MLIP: variants seen among roughly 807,000 people sequenced by gnomAD.
MLIP encodes muscular LMNA interacting protein.
A neutral mutation model predicts 84.8 loss-of-function variants in MLIP; 79 were observed. That is an observed-to-expected ratio of 0.93 (90% CI 0.78 to 1.12). MLIP has a LOEUF of 1.12. Ranked by LOEUF, MLIP falls within the 50% of genes most tolerant of loss-of-function variation. MLIP has a pLI of 0.00. For synonymous variants in MLIP, 504 were observed against 463.0 expected, an observed-to-expected ratio of 1.09 and a Z score of -1.14; for missense variants, 1,257 against 1,160.6, an observed-to-expected ratio of 1.08 and a Z score of -1.21.
chr6:54,224,413 AGAAAAACT>A (rs1406655104), intron 11 of MLIP, among the ~76,000 whole-genome samples: 1 of 151,386 alleles, frequency 6.6e-6, no homozygotes, highest in African/African-American at 2.4e-5. Flanking sequence ...AATTACCAAA[AGAAAAACT>A]GAAAAAAAAA....
chr6:54,231,116 A>C (rs1256014496), intron 12 of MLIP, among the ~76,000 whole-genome samples, 199 bp downstream of exon 12: 1 of 148,592 alleles, frequency 6.7e-6, no homozygotes, highest in Non-Finnish European at 1.5e-5. Context: ...GGAAATAATA[A>C]ACATTTATAT....
chr6:54,257,619 C>T (rs998149748), intron 13 of MLIP, among the ~76,000 whole-genome samples: 2 of 152,024 alleles, frequency 1.3e-5, no homozygotes, highest in African/African-American at 4.8e-5. Context: ...ACCCCAAGTG[C>T]CTGTCTTTGT....
intron 8 of MLIP, among the ~76,000 whole-genome samples, chr6:54,164,114 G>A (rs915819720): frequency 6.6e-6 from 1 of 151,762 alleles, no homozygotes; most frequent in Non-Finnish European, 1.5e-5. Context: ...ATTTTTTATG[G>A]TGTATTTAGG....
chr6:54,186,626 C>T (rs994141715), intron 9 of MLIP, among the ~76,000 whole-genome samples: 4 of 152,052 alleles, frequency 2.6e-5, no homozygotes, highest in East Asian at 3.9e-4. Flanking sequence ...CACATGGTGG[C>T]GAGAGAGAGA....
chr6:54,109,212 A>G (rs1460380028), upstream of MLIP, among the ~76,000 whole-genome samples: 1 of 47,152 alleles, frequency 2.1e-5, no homozygotes, highest in Non-Finnish European at 4.2e-5. Context: ...TTGATGACCT[A>G]CATTTAACCT....
At chr6:54,062,139 C>G (rs1021678204) in intron 1 of MLIP, among the ~76,000 whole-genome samples, 15 of 152,068 alleles carry the variant, frequency 9.9e-5, no homozygotes, top group Non-Finnish European at 1.8e-4. Context: ...AGTGACAGTG[C>G]GAAGAGGGAT....
intron 11 of MLIP, chr6:54,216,399 A>G (rs2792652): frequency 0.99 from 978,158 of 985,074 alleles, 485,882 homozygotes; most frequent in East Asian, 1. Context: ...ATAGAAAAAC[A>G]TAAAACTCAG....
At chr6:54,257,088 A>G (rs532074325) in intron 12 of MLIP, among the ~76,000 whole-genome samples, 1 of 152,126 alleles carries the variant, frequency 6.6e-6, no homozygotes, top group Non-Finnish European at 1.5e-5. Flanking sequence ...CATAAAAATA[A>G]ATAAGATGTG....
chr6:54,136,366 T>C (rs1317071274), intron 3 of MLIP, among the ~76,000 whole-genome samples: 2 of 152,318 alleles, frequency 1.3e-5, no homozygotes, highest in South Asian at 2.1e-4. Flanking sequence ...AAATTTGCAA[T>C]TTATACTGAT....
intron 1 of MLIP, among the ~76,000 whole-genome samples, chr6:54,063,031 G>C (rs1387307901): frequency 1.3e-5 from 2 of 151,698 alleles, no homozygotes; most frequent in South Asian, 4.2e-4. Context: ...GTGAATCCCC[G>C]TCTCTACTAA....
intron 12 of MLIP, among the ~76,000 whole-genome samples, chr6:54,234,300 C>T (rs982728972): frequency 1.3e-5 from 2 of 151,994 alleles, no homozygotes; most frequent in Non-Finnish European, 2.9e-5. Flanking sequence ...AATAATAGTA[C>T]CTACCTTATT....
At chr6:54,076,955 G>T (rs1454643711) in intron 1 of MLIP, among the ~76,000 whole-genome samples, 1 of 152,124 alleles carries the variant, frequency 6.6e-6, no homozygotes, top group Non-Finnish European at 1.5e-5. Context: ...ACAGCAACTG[G>T]ATAACTATTT....
At chr6:54,160,455 G>T in intron 6 of MLIP, 23 bp downstream of exon 6, 2 of 1,611,628 alleles carry the variant, frequency 1.2e-6, no homozygotes, top group South Asian at 2.2e-5. Flanking sequence ...GATTACCCCT[G>T]CTTTTGGTAT....
intron 9 of MLIP, among the ~76,000 whole-genome samples, chr6:54,180,882 G>C: frequency 6.6e-6 from 1 of 152,048 alleles, no homozygotes; most frequent in Admixed American, 6.6e-5. Flanking sequence ...TGTTTTTCTG[G>C]ATGATCTTGA....
intron 1 of MLIP, among the ~76,000 whole-genome samples, chr6:54,042,081 GTTC>G (rs1199816104): frequency 1.3e-5 from 2 of 151,992 alleles, no homozygotes; most frequent in Non-Finnish European, 2.9e-5. Context: ...ACAATATCAG[GTTC>G]TTCTACATAA....
At chr6:54,150,334 T>A (rs191379947) in intron 5 of MLIP, among the ~76,000 whole-genome samples, 160 of 152,296 alleles carry the variant, frequency 1.1e-3, no homozygotes, top group Non-Finnish European at 2.0e-3. Context: ...TATTGTCTGT[T>A]AAAAGATGAG....
intron 8 of MLIP, among the ~76,000 whole-genome samples, chr6:54,167,031 A>T (rs776232168): frequency 7.2e-5 from 11 of 151,874 alleles, no homozygotes; most frequent in Non-Finnish European, 2.9e-5. Context: ...CTATTTCTAT[A>T]GCTTCAGAAT....
At chr6:54,196,382 T>G (rs1335293795) in intron 10 of MLIP, among the ~76,000 whole-genome samples, 9 of 152,076 alleles carry the variant, frequency 5.9e-5, no homozygotes, top group African/African-American at 9.7e-5. Flanking sequence ...TTCCCTAACA[T>G]GTGTTCATGA....
chr6:54,021,060 T>C (rs894151895), intron 1 of MLIP, among the ~76,000 whole-genome samples: 6 of 152,152 alleles, frequency 3.9e-5, no homozygotes, highest in African/African-American at 1.4e-4. Flanking sequence ...TCTTTGAGGG[T>C]TTCCAATAAA....
Sources: gnomAD v4.1 joint callset for allele counts (sites outside exome capture counted in the v4.1 genomes callset) on GRCh38, gnomAD v4.1.1 for gene constraint, MANE v1.5 for transcripts, NCBI Gene and HGNC (gene_info 2026-07-23, HGNC 2026-07-21) for gene names.